RUNX1: variants seen among roughly 807,000 people sequenced by gnomAD.
RUNX1 encodes the protein runt-related transcription factor 1.
A neutral mutation model predicts 42.8 loss-of-function variants in RUNX1; 19 were observed. The observed-to-expected ratio is 0.44, with a 90% CI of 0.31 to 0.65. The LOEUF (loss-of-function observed/expected upper bound fraction) is 0.65, where lower values mean the gene tolerates loss of function less well. Ranked by LOEUF, RUNX1 falls within the 30% of genes least tolerant of loss-of-function variation. The pLI is 0.07. For missense variants in RUNX1, 528 were observed against 672.0 expected (o/e 0.79, Z 2.37); for synonymous variants, 271 against 289.4 (o/e 0.94, Z 0.64).
chr21:34,968,435 C>G (rs565047448), intron 2 of RUNX1, among the ~76,000 whole-genome samples: 1 of 152,108 alleles, frequency 6.6e-6, no homozygotes, highest in Non-Finnish European at 1.5e-5. Flanking sequence ...GCAGCCAGCA[C>G]GGAAGAGGGT....
intron 2 of RUNX1, among the ~76,000 whole-genome samples, chr21:35,027,131 G>T (rs965996326): frequency 6.6e-6 from 1 of 152,196 alleles, no homozygotes; most frequent in South Asian, 2.1e-4. Context: ...GAAGGGCAGG[G>T]TGGAGGGGCA....
At chr21:34,986,133 T>C (rs1421193106) in intron 2 of RUNX1, among the ~76,000 whole-genome samples, 3 of 152,088 alleles carry the variant, frequency 2.0e-5, no homozygotes, top group South Asian at 2.1e-4. Flanking sequence ...CCTCCCAAAA[T>C]GCTGGGATTT....
rs34743281 is a variant in RUNX1, at chr21:34,863,550, CTTTTTTTTTT to C, written c.509-3982_509-3973del. On this transcript the variant is annotated intron_variant, in intron 5 of 8. Coordinates refer to ENST00000675419, the MANE Select transcript of RUNX1 (RefSeq NM_001754.5). ...TGAATTCTCATTATTTCATGCCCAT[CTTTTTTTTTT>C]TTTTTTTTTTTTGAGATGGAGTCTT... 1.6e-4 allele frequency among the ~76,000 whole-genome samples: 17 copies of C among 109,120 alleles called. No individual in the cohort carries two copies. In the East Asian group the frequency reaches 3.8e-3, roughly 24 times the overall value. The allele number at this position is 109,120 out of a possible 152,430, so 71.6% of individuals were successfully genotyped here.
intron 2 of RUNX1, among the ~76,000 whole-genome samples, chr21:34,998,610 C>T (rs935008511): frequency 1.3e-5 from 2 of 152,148 alleles, no homozygotes; most frequent in South Asian, 2.1e-4. Flanking sequence ...GGCCCAGTCT[C>T]GGCTCACTGC....
intron 2 of RUNX1, among the ~76,000 whole-genome samples, chr21:34,965,748 G>T (rs1489724189): frequency 1.3e-5 from 2 of 152,148 alleles, no homozygotes; most frequent in Non-Finnish European, 2.9e-5. Flanking sequence ...CCCAGGCAGG[G>T]GAGTCCTGTG....
intron 2 of RUNX1, among the ~76,000 whole-genome samples, chr21:34,984,976 T>C (rs528852060): frequency 6.6e-6 from 1 of 152,300 alleles, no homozygotes; most frequent in East Asian, 1.9e-4. Flanking sequence ...AGGTTTGGAA[T>C]AGCCCCAAAA....
At chr21:35,018,687 G>A (rs2059177021) in intron 2 of RUNX1, among the ~76,000 whole-genome samples, 1 of 152,108 alleles carries the variant, frequency 6.6e-6, no homozygotes, top group Non-Finnish European at 1.5e-5. Flanking sequence ...AGCTTGGTGA[G>A]TGGATGATCC....
intron 2 of RUNX1, among the ~76,000 whole-genome samples, chr21:34,940,231 C>T (rs2058516830): frequency 6.6e-6 from 1 of 152,108 alleles, no homozygotes; most frequent in Non-Finnish European, 1.5e-5. Flanking sequence ...AACATTAATG[C>T]TTTATGAGGA....
intron 2 of RUNX1, among the ~76,000 whole-genome samples, chr21:35,033,046 T>G (rs1307889687): frequency 6.6e-6 from 1 of 152,186 alleles, no homozygotes; most frequent in Non-Finnish European, 1.5e-5. Context: ...TCTATCCATC[T>G]ACCTGCCTAT....
intron 8 of RUNX1, among the ~76,000 whole-genome samples, chr21:34,796,920 G>GACA (rs2056536967): frequency 6.6e-6 from 1 of 152,258 alleles, no homozygotes; most frequent in Admixed American, 6.5e-5. Flanking sequence ...CAGCGCAGAA[G>GACA]GAAGCCCAGG....
At chr21:34,905,607 T>A (rs1227038835) in intron 2 of RUNX1, among the ~76,000 whole-genome samples, 1 of 152,246 alleles carries the variant, frequency 6.6e-6, no homozygotes, top group Non-Finnish European at 1.5e-5. Flanking sequence ...GTTATTCTGT[T>A]AACTTGTCAT....
intron 2 of RUNX1, among the ~76,000 whole-genome samples, chr21:34,940,051 G>A (rs1332076680): frequency 6.6e-6 from 1 of 152,022 alleles, no homozygotes; most frequent in East Asian, 1.9e-4. Flanking sequence ...ATTCTTTTCC[G>A]TGTCCAAACA....
intron 2 of RUNX1, among the ~76,000 whole-genome samples, chr21:35,048,379 G>A (rs1444286750): frequency 2.6e-5 from 4 of 152,162 alleles, no homozygotes; most frequent in Non-Finnish European, 5.9e-5. Flanking sequence ...CCCCACACTG[G>A]CACCAGCCCT....
intron 2 of RUNX1, among the ~76,000 whole-genome samples, chr21:35,017,640 G>A (rs1162777230): frequency 2.0e-5 from 3 of 152,252 alleles, no homozygotes; most frequent in African/African-American, 2.4e-5. Context: ...AGCAGGGAAC[G>A]TGGGAACTCT....
chr21:34,961,245 A>G (rs933712123), intron 2 of RUNX1, among the ~76,000 whole-genome samples: 1 of 152,066 alleles, frequency 6.6e-6, no homozygotes, highest in Admixed American at 6.6e-5. Context: ...GTGGTGGCAT[A>G]TGCCTGTAGT....
intron 2 of RUNX1, among the ~76,000 whole-genome samples, chr21:35,019,554 C>T (rs1383329256): frequency 6.6e-6 from 1 of 152,240 alleles, no homozygotes; most frequent in African/African-American, 2.4e-5. Flanking sequence ...TAAAATAATT[C>T]AATGATTATC....
chr21:34,857,745 A>C (rs947567432), intron 6 of RUNX1, among the ~76,000 whole-genome samples: 2 of 152,182 alleles, frequency 1.3e-5, no homozygotes, highest in Non-Finnish European at 2.9e-5. Flanking sequence ...TCTGTGGAGA[A>C]CAAACTTGCT....
intron 6 of RUNX1, among the ~76,000 whole-genome samples, chr21:34,844,746 G>A (rs1421680173): frequency 6.6e-6 from 1 of 152,170 alleles, no homozygotes; most frequent in Non-Finnish European, 1.5e-5. Flanking sequence ...TGCCCCCTGG[G>A]CCTCGGGGAC....
At chr21:34,890,677 C>T (rs1203266940) in intron 3 of RUNX1, among the ~76,000 whole-genome samples, 1 of 152,230 alleles carries the variant, frequency 6.6e-6, no homozygotes, top group Non-Finnish European at 1.5e-5. Context: ...AAACTTACTA[C>T]ATTTTTCTTT....
Sources: gnomAD v4.1 joint callset for allele counts (sites outside exome capture counted in the v4.1 genomes callset) on GRCh38, gnomAD v4.1.1 for gene constraint, MANE v1.5 for transcripts, NCBI Gene and HGNC (gene_info 2026-07-23, HGNC 2026-07-21) for gene names.